The following ASCC3 variants were observed in gnomAD, a reference collection of about 807,000 sequenced individuals.
The protein encoded by ASCC3 is activating signal cointegrator 1 complex subunit 3.
In ASCC3, 158 loss-of-function variants were observed where a neutral mutation model predicts 256.3. The ratio of observed to expected loss-of-function variants is 0.62; its 90% CI spans 0.54 to 0.70. The LOEUF is 0.70. Ranked by LOEUF, ASCC3 falls within the 30% of genes least tolerant of loss-of-function variation. The probability of loss-of-function intolerance (pLI) is 0.00; values close to 1 mark genes in which losing one functional copy is unlikely to be tolerated. For missense variants in ASCC3, 2,259 were observed against 2,626.0 expected (o/e 0.86, Z 3.05); for synonymous variants, 948 against 883.4 (o/e 1.07, Z -1.30).
chr6:100,602,214 G>A, intron 33 of ASCC3, among the ~76,000 whole-genome samples: 1 of 151,894 alleles, frequency 6.6e-6, no homozygotes, highest in Non-Finnish European at 1.5e-5. Context: ...GTACATATAT[G>A]TGTTCTCATT....
chr6:100,658,748 C>T (rs1251018129), intron 16 of ASCC3, among the ~76,000 whole-genome samples: 1 of 151,264 alleles, frequency 6.6e-6, no homozygotes, highest in Non-Finnish European at 1.5e-5. Context: ...ATTACAAGGT[C>T]GTTCAGATTG....
Position 100,736,831 on chromosome 6 carries a change from A to T in ASCC3, c.1738-11128T>A, listed in dbSNP as rs1299256575. Among the ~76,000 whole-genome samples, 3 of 152,208 alleles carry T rather than the reference A, an allele frequency of 2.0e-5. No individual in the cohort carries two copies. In the East Asian group the frequency reaches 5.8e-4, roughly 30 times the overall value. ...ATCCTCATTTTTTCAGGAAGACCTAAACTGTATTTCAAGGTATCATTAAAA... is the reference window on the plus strand; with the variant it reads ...ATCCTCATTTTTTCAGGAAGACCTATACTGTATTTCAAGGTATCATTAAAA... On this transcript the variant is annotated intron_variant, in intron 10 of 41. Coordinates refer to ENST00000369162, the MANE Select transcript of ASCC3 (RefSeq NM_006828.4).
intron 4 of ASCC3, among the ~76,000 whole-genome samples, chr6:100,819,121 C>A (rs1770913104): frequency 6.6e-6 from 1 of 150,724 alleles, no homozygotes; most frequent in South Asian, 2.1e-4. Flanking sequence ...ACAATGAGAT[C>A]ACTTGGACAC....
chr6:100,519,109 T>C (rs1774177584), intron 37 of ASCC3, among the ~76,000 whole-genome samples: 1 of 152,176 alleles, frequency 6.6e-6, no homozygotes, highest in South Asian at 2.1e-4. Flanking sequence ...TAATTTGCTA[T>C]ACTACTTAGT....
At chr6:100,731,663 A>ATATT (rs778469794) in intron 10 of ASCC3, among the ~76,000 whole-genome samples, 8 of 152,162 alleles carry the variant, frequency 5.3e-5, no homozygotes, top group Non-Finnish European at 1.2e-4. Context: ...TACAATTGGG[A>ATATT]TATTCATAGA....
chr6:100,670,240 T>G (rs1036978593), intron 14 of ASCC3, among the ~76,000 whole-genome samples: 4 of 151,890 alleles, frequency 2.6e-5, no homozygotes, highest in Non-Finnish European at 5.9e-5. Flanking sequence ...GTTATAAACT[T>G]AAAAACGTTA....
chr6:100,702,776 T>C (rs1334059953), intron 13 of ASCC3, among the ~76,000 whole-genome samples: 2 of 152,188 alleles, frequency 1.3e-5, no homozygotes, highest in Non-Finnish European at 2.9e-5. Flanking sequence ...ACCTAATCTA[T>C]TGATTATTTT....
intron 41 of ASCC3, 93 bp from the exon 42 acceptor site, chr6:100,509,626 T>C (rs530066122): frequency 2.0e-5 from 25 of 1,280,314 alleles, no homozygotes; most frequent in East Asian, 5.1e-5. Flanking sequence ...GGAGGCTGGG[T>C]GCGGTGGCTC....
intron 36 of ASCC3, among the ~76,000 whole-genome samples, chr6:100,581,319 TC>T: frequency 6.6e-6 from 1 of 152,122 alleles, no homozygotes; most frequent in East Asian, 1.9e-4. Context: ...GATTTGCATT[TC>T]TCTGATGGCC....
At chr6:100,716,007 C>T (rs1476331527) in intron 12 of ASCC3, among the ~76,000 whole-genome samples, 7 of 151,844 alleles carry the variant, frequency 4.6e-5, no homozygotes, top group African/African-American at 1.7e-4. Context: ...AGGTAACACA[C>T]TATTTCTGTA....
chr6:100,613,486 T>G (rs938894094), intron 30 of ASCC3, among the ~76,000 whole-genome samples: 2 of 152,102 alleles, frequency 1.3e-5, no homozygotes, highest in Non-Finnish European at 2.9e-5. Flanking sequence ...GATTTCATTC[T>G]TTTTTATGGC....
intron 3 of ASCC3, among the ~76,000 whole-genome samples, chr6:100,860,828 A>C (rs566384859): frequency 1.2e-4 from 18 of 152,262 alleles, no homozygotes; most frequent in African/African-American, 4.3e-4. Context: ...TAAACACTGC[A>C]TATGTTGGCA....
intron 16 of ASCC3, among the ~76,000 whole-genome samples, chr6:100,658,789 T>C (rs189010121): frequency 2.6e-5 from 4 of 151,770 alleles, no homozygotes; most frequent in Admixed American, 2.0e-4. Flanking sequence ...ACAAGGTGTT[T>C]ACCTGACATT....
At chr6:100,766,791 T>C in intron 9 of ASCC3, 86 bp from the exon 10 acceptor site, 1 of 1,507,186 alleles carries the variant, frequency 6.6e-7, no homozygotes, top group Non-Finnish European at 9.2e-7. Context: ...TCACAATTTA[T>C]TGTGAAATAT....
At chr6:100,535,466 G>GTTTTTTTTTT (rs34575315) in intron 37 of ASCC3, among the ~76,000 whole-genome samples, 6 of 98,626 alleles carry the variant, frequency 6.1e-5, no homozygotes, top group Admixed American at 1.2e-4. Context: ...TGGTTTTCGT[G>GTTTTTTTTTT]TTTTTTTTTT....
At chr6:100,697,545 T>TAA (rs35793750) in intron 13 of ASCC3, among the ~76,000 whole-genome samples, 3 of 149,434 alleles carry the variant, frequency 2.0e-5, no homozygotes, top group South Asian at 2.1e-4. Context: ...GTAACTGTAT[T>TAA]AAAAAAAAAA....
chr6:100,527,312 C>T (rs1300610567), intron 37 of ASCC3, among the ~76,000 whole-genome samples: 1 of 152,108 alleles, frequency 6.6e-6, no homozygotes, highest in Admixed American at 6.6e-5. Context: ...TTAAAGAGAA[C>T]GTTTTCTTGG....
intron 13 of ASCC3, among the ~76,000 whole-genome samples, chr6:100,681,825 C>T (rs1200863252): frequency 2.0e-5 from 3 of 150,914 alleles, no homozygotes; most frequent in Non-Finnish European, 4.4e-5. Context: ...TTCTGTTTTC[C>T]TAATTTTTCA....
chr6:100,604,685 A>G (rs1772798437), intron 33 of ASCC3, among the ~76,000 whole-genome samples: 1 of 151,892 alleles, frequency 6.6e-6, no homozygotes, highest in Non-Finnish European at 1.5e-5. Context: ...GCCTCAAGCA[A>G]TTCTGCCTCA....
Sources: allele counts gnomAD v4.1 joint callset (sites outside exome capture counted in the v4.1 genomes callset), GRCh38; gene constraint gnomAD v4.1.1; transcripts MANE v1.5; gene names NCBI Gene and HGNC (gene_info 2026-07-23, HGNC 2026-07-21).